Variants in RAD54L2 observed in about 807,000 individuals in gnomAD.
RAD54L2 encodes helicase ARIP4.
A neutral mutation model predicts 138.4 loss-of-function variants in RAD54L2; 27 were observed. That is an observed-to-expected ratio of 0.20 (90% CI 0.14 to 0.27). The LOEUF (loss-of-function observed/expected upper bound fraction) is 0.27. Ranked by LOEUF, RAD54L2 falls within the 10% of genes least tolerant of loss-of-function variation. The pLI is 1.00. For missense variants in RAD54L2, 1,396 were observed against 1,890.2 expected, an observed-to-expected ratio of 0.74 and a Z score of 4.85; for synonymous variants, 644 against 723.2, an observed-to-expected ratio of 0.89 and a Z score of 1.76.
At chr3:51,593,793 C>T (rs1183547671) in intron 3 of RAD54L2, among the ~76,000 whole-genome samples, 2 of 152,118 alleles carry the variant, frequency 1.3e-5, no homozygotes, top group Non-Finnish European at 2.9e-5. Flanking sequence ...GTAATTTCTA[C>T]TTTCTAATTT....
At chr3:51,634,804 C>T (rs1700942917) in intron 9 of RAD54L2, among the ~76,000 whole-genome samples, 1 of 152,152 alleles carries the variant, frequency 6.6e-6, no homozygotes, top group Non-Finnish European at 1.5e-5. Flanking sequence ...GTCAGCCTTG[C>T]TTTGTTTTAG....
intron 3 of RAD54L2, among the ~76,000 whole-genome samples, chr3:51,615,716 C>A (rs1218761421): frequency 1.3e-5 from 2 of 152,020 alleles, no homozygotes; most frequent in African/African-American, 4.8e-5. Flanking sequence ...AGGAGTGAGC[C>A]CCAGCAGTGG....
In RAD54L2 at chr3:51,665,416, G is replaced by A. The variant is rs910098155; in HGVS notation, c.*1996G>A. 6.6e-6 allele frequency: 1 copy of A among 152,146 alleles called. No individual in the cohort carries two copies. Among genetic ancestry groups the A allele is most frequent in the African/African-American group, 2.4e-5 (1 of 41,392 alleles). The allele number at this position is 152,146 out of a possible 1,614,324, so 9.4% of individuals were successfully genotyped here. Reference sequence around the variant, plus strand: ...GGTATTGTCCTCAGAGAAGAGACAAGGAGATGATGGATGGGGTGCATGTGT... The same window carrying A: ...GGTATTGTCCTCAGAGAAGAGACAAAGAGATGATGGATGGGGTGCATGTGT... On this transcript the variant is annotated 3_prime_UTR_variant, in exon 23 of 23. Coordinates refer to ENST00000684192, the MANE Select transcript of RAD54L2 (RefSeq NM_015106.4).
In RAD54L2 at chr3:51,630,814, T is replaced by C; in HGVS notation, c.708T>C (p.Asn236=). The C allele has an allele frequency of 8.7e-6, 14 of 1,614,050 alleles. No individual in the cohort carries two copies. Among genetic ancestry groups the C allele is most frequent in the Non-Finnish European group, 1.1e-5 (13 of 1,179,892 alleles). ...AAGAGAAGGGTGGCACCCATGTCAA[T>C]GATGTCTTAAACCAGCGTGACGCCC... ...EEEEKGGTHV[N]DVLNQRDALG... is the part of the protein sequence containing the mutation. The change falls in exon 7 of 23, where the codon AAT becomes AAC. Residue 236 remains asparagine (N), a synonymous_variant. Transcript: ENST00000684192.
At position 51,637,155 on chromosome 3, in the gene RAD54L2, C is replaced by T. The variant is rs748926356; in HGVS notation, c.1340-6C>T. ...CCTCTGACTCCGGATCCTCTTCCCT[C>T]CCTAGAGTTTGAGAAGGCTTTATGC... On this transcript the variant is annotated splice_region_variant and splice_polypyrimidine_tract_variant and intron_variant, in intron 10 of 22. Coordinates refer to ENST00000684192, the MANE Select transcript of RAD54L2 (RefSeq NM_015106.4). The surrounding 1 kb of genome is among the most constrained non-coding windows in gnomAD (Gnocchi z 5.9). The T allele has an allele frequency of 6.4e-7, 1 of 1,571,662 alleles. No individual in the cohort carries two copies. Among genetic ancestry groups the T allele is most frequent in the South Asian group, 1.2e-5 (1 of 85,578 alleles).
chr3:51,547,098 G>A (rs1266501758), intron 2 of RAD54L2, among the ~76,000 whole-genome samples: 1 of 152,102 alleles, frequency 6.6e-6, no homozygotes, highest in Non-Finnish European at 1.5e-5. Context: ...TGTAATCACA[G>A]CACTTTGGGA....
chr3:51,601,310 C>CTTTTTTTTTTTT (rs779030766), intron 3 of RAD54L2, among the ~76,000 whole-genome samples: 18 of 123,114 alleles, frequency 1.5e-4, no homozygotes, highest in African/African-American at 5.2e-4. Context: ...CTGCGCCCGG[C>CTTTTTTTTTTTT]TTTTTTTTTT....
At chr3:51,568,525 T>C (rs1396166927) in intron 2 of RAD54L2, among the ~76,000 whole-genome samples, 1 of 152,194 alleles carries the variant, frequency 6.6e-6, no homozygotes, top group East Asian at 1.9e-4. Context: ...GTTCCACTTT[T>C]CTTCTTCACT....
At chr3:51,654,284 G>C (rs1354718987) in intron 19 of RAD54L2, among the ~76,000 whole-genome samples, 2 of 152,162 alleles carry the variant, frequency 1.3e-5, no homozygotes, top group Non-Finnish European at 2.9e-5. Flanking sequence ...CCTGACCACA[G>C]GTGATCCACC....
chr3:51,615,275 A>C (rs1298053961), intron 3 of RAD54L2, among the ~76,000 whole-genome samples: 2 of 152,262 alleles, frequency 1.3e-5, no homozygotes, highest in Non-Finnish European at 1.5e-5. Context: ...TTGGCCTCCC[A>C]AAGGGCTGGG....
chr3:51,658,290 A>G (rs995985529), intron 21 of RAD54L2, among the ~76,000 whole-genome samples: 30 of 152,132 alleles, frequency 2.0e-4, no homozygotes, highest in African/African-American at 6.5e-4. Context: ...GGAGACCAAA[A>G]TTGGAGGGAA....
In RAD54L2 at chr3:51,644,424, G is replaced by A. The variant is rs188946482; in HGVS notation, c.2450+450G>A. Among the ~76,000 whole-genome samples, 31 of 152,270 alleles carry A rather than the reference G, an allele frequency of 2.0e-4. No individual in the cohort carries two copies. In the East Asian group the frequency reaches 5.0e-3, roughly 25 times the overall value. On this transcript the variant is annotated intron_variant, in intron 16 of 22. Coordinates refer to ENST00000684192, the MANE Select transcript of RAD54L2 (RefSeq NM_015106.4). ...TGAGCCACTGCAATCCAGCCTAAGC[G>A]ACAGAGTGAGACCCTGTCTCATTTA...
chr3:51,648,164 G>T (rs1701334058), intron 19 of RAD54L2, among the ~76,000 whole-genome samples: 1 of 152,188 alleles, frequency 6.6e-6, no homozygotes, highest in Non-Finnish European at 1.5e-5. Flanking sequence ...TGTCTCAGTG[G>T]GTCCCACACC....
intron 7 of RAD54L2, among the ~76,000 whole-genome samples, chr3:51,631,694 G>A (rs1700847710): frequency 6.6e-6 from 1 of 151,958 alleles, no homozygotes; most frequent in Non-Finnish European, 1.5e-5. Context: ...CCAGGCTGGA[G>A]TGCAGTGATC....
chr3:51,542,449 CTT>C (rs869048851), intron 2 of RAD54L2, among the ~76,000 whole-genome samples: 18 of 142,766 alleles, frequency 1.3e-4, no homozygotes, highest in Non-Finnish European at 7.7e-5. Context: ...TTGAGGTTGT[CTT>C]TTTTTTTTTT....
chr3:51,559,862 T>C (rs918731150), intron 2 of RAD54L2, among the ~76,000 whole-genome samples: 2 of 152,254 alleles, frequency 1.3e-5, no homozygotes, highest in Non-Finnish European at 2.9e-5. Flanking sequence ...CAGTTTCAGC[T>C]ACAGGAGCTT....
At chr3:51,603,588 A>C (rs1387444507) in intron 3 of RAD54L2, among the ~76,000 whole-genome samples, 1 of 152,136 alleles carries the variant, frequency 6.6e-6, no homozygotes, top group African/African-American at 2.4e-5. Context: ...CTTGGGTGAC[A>C]GAAGGAGACT....
chr3:51,571,184 AT>A (rs1339478493), intron 2 of RAD54L2, among the ~76,000 whole-genome samples: 2 of 151,468 alleles, frequency 1.3e-5, no homozygotes, highest in Non-Finnish European at 2.9e-5. Flanking sequence ...TTTGATCATC[AT>A]TTTTTTTCTC....
intron 2 of RAD54L2, among the ~76,000 whole-genome samples, chr3:51,580,866 C>T (rs535882255): frequency 7.9e-5 from 12 of 152,048 alleles, no homozygotes; most frequent in Non-Finnish European, 1.6e-4. Flanking sequence ...AGTGGAAAAG[C>T]GTTAATAACC....
Sources: allele counts gnomAD v4.1 joint callset (sites outside exome capture counted in the v4.1 genomes callset), GRCh38; gene constraint gnomAD v4.1.1; non-coding constraint Gnocchi (gnomAD v3.1); transcripts MANE v1.5; gene names NCBI Gene and HGNC (gene_info 2026-07-23, HGNC 2026-07-21).